The following SMOC1 variants were observed in gnomAD, a reference collection of about 807,000 sequenced individuals.
SMOC1 encodes SPARC-related modular calcium-binding protein 1.
Under a neutral mutation model 56.3 loss-of-function variants are expected in SMOC1, and 22 were observed. The observed-to-expected ratio is 0.39, with a 90% confidence interval of 0.28 to 0.56. The LOEUF (loss-of-function observed/expected upper bound fraction) is 0.56. SMOC1 is among the 20% of genes least tolerant of loss of function. The pLI is 0.61. For missense variants in SMOC1, 509 were observed against 565.4 expected, an observed-to-expected ratio of 0.90 and a Z score of 1.01; for synonymous variants, 193 against 215.0, an observed-to-expected ratio of 0.90 and a Z score of 0.89.
chr14:70,006,626 C>T (rs1417005860), intron 7 of SMOC1, among the ~76,000 whole-genome samples: 1 of 152,190 alleles, frequency 6.6e-6, no homozygotes, highest in Non-Finnish European at 1.5e-5. Context: ...AATGTACTGG[C>T]TTACCATAAA....
At chr14:69,885,543 T>G in intron 1 of SMOC1, 2 of 1,597,554 alleles carry the variant, frequency 1.3e-6, no homozygotes, top group Non-Finnish European at 1.7e-6. Flanking sequence ...GCGACAGTGG[T>G]GCAGGTCTTC....
chr14:69,978,430 G>A (rs1594834993), intron 5 of SMOC1, among the ~76,000 whole-genome samples: 1 of 152,164 alleles, frequency 6.6e-6, no homozygotes, highest in South Asian at 2.1e-4. Flanking sequence ...ACTAAGGCGA[G>A]GCTGGCTTTG....
chr14:69,994,449 C>A lies in SMOC1; in HGVS notation c.633C>A (p.Ser211=), dbSNP rs759918337. ...LWIKHLVIKD[S]KLNNTNIRNS... The stretch of plus-strand genomic sequence containing the variant: ...TTAAACACTTGGTGATCAAGGACTC[C>A]AAACTGAACAACACCAACATAAGAA... Residue 211 remains serine, a synonymous_variant, in exon 7 of 12, where the codon TCC becomes TCA. Coordinates refer to ENST00000361956, the MANE Select transcript of SMOC1 (RefSeq NM_001034852.3). The A allele has an allele frequency of 6.2e-7, 1 of 1,613,818 alleles. No individual in the cohort carries two copies. The highest frequency in any genetic ancestry group is 1.7e-5 in the Admixed American group (1 of 60,022).
rs149782299 is a variant in SMOC1 at position 70,008,117 on chromosome 14, A to ATTATTTTATT, written c.665-2616_665-2607dup. On this transcript the variant is annotated intron_variant, in intron 7 of 11. Coordinates refer to ENST00000361956, the MANE Select transcript of SMOC1 (RefSeq NM_001034852.3). Reference sequence around the variant, plus strand: ...CAAATTAGTGAGCTTTATCATTTTTATTATTTTATTTTATTTTATTTTATT... The same window carrying ATTATTTTATT: ...CAAATTAGTGAGCTTTATCATTTTTATTATTTTATTTTATTTTATTTTATTTTATTTTATT... Among the ~76,000 whole-genome samples the ATTATTTTATT allele has an allele frequency of 3.3e-3, 503 of 151,114 alleles. 3 individuals carry two copies. The highest frequency in any genetic ancestry group is 0.011 in the African/African-American group (437 of 40,808).
At chr14:70,009,525 C>A (rs1035395837) in intron 7 of SMOC1, among the ~76,000 whole-genome samples, 7 of 152,148 alleles carry the variant, frequency 4.6e-5, no homozygotes, top group African/African-American at 1.7e-4. Flanking sequence ...TACCAAGTTC[C>A]TTGCTCTTAA....
intron 1 of SMOC1, among the ~76,000 whole-genome samples, chr14:69,883,917 T>TTTTTTTTA (rs1883719290): frequency 7.0e-6 from 1 of 142,218 alleles, no homozygotes; most frequent in Non-Finnish European, 1.5e-5. Context: ...TTTTTTTTTT[T>TTTTTTTTA]GAGACGGAGT....
intron 10 of SMOC1, among the ~76,000 whole-genome samples, chr14:70,019,291 T>G (rs1045876895): frequency 1.3e-5 from 2 of 152,208 alleles, no homozygotes; most frequent in African/African-American, 4.8e-5. Context: ...TTATTTGGCT[T>G]ATGTTGTCTG....
intron 1 of SMOC1, among the ~76,000 whole-genome samples, chr14:69,948,751 C>A (rs1882886279): frequency 6.6e-6 from 1 of 152,150 alleles, no homozygotes. Context: ...AGAACTTATA[C>A]GTGACTTAGG....
At chr14:69,940,371 G>C (rs377643735) in intron 1 of SMOC1, among the ~76,000 whole-genome samples, 1 of 152,192 alleles carries the variant, frequency 6.6e-6, no homozygotes, top group Non-Finnish European at 1.5e-5. Flanking sequence ...AAGCCAGCAG[G>C]CTCAGTGCCA....
At chr14:69,994,344 C>T (rs1884685214) in intron 6 of SMOC1, 56 bp from the exon 7 acceptor site, 1 of 1,355,806 alleles carries the variant, frequency 7.4e-7, no homozygotes, top group African/African-American at 1.4e-5. Flanking sequence ...GGTTACACTT[C>T]CACTCACATA....
intron 1 of SMOC1, chr14:69,885,292 T>G (rs991841341): frequency 2.0e-5 from 20 of 1,014,292 alleles, no homozygotes; most frequent in African/African-American, 5.0e-5. Context: ...AAGGAAAATT[T>G]GTATTATTTT....
chr14:69,966,227 G>C (rs994343249), intron 3 of SMOC1, among the ~76,000 whole-genome samples: 1 of 152,080 alleles, frequency 6.6e-6, no homozygotes, highest in Admixed American at 6.5e-5. Flanking sequence ...AAAGGAACAA[G>C]AGGTATCATA....
intron 2 of SMOC1, among the ~76,000 whole-genome samples, chr14:69,952,951 G>A (rs1320866318): frequency 6.6e-6 from 1 of 152,074 alleles, no homozygotes; most frequent in Non-Finnish European, 1.5e-5. Flanking sequence ...TTTTTCCTGA[G>A]TCCTGTACGT....
intron 3 of SMOC1, among the ~76,000 whole-genome samples, chr14:69,954,458 A>C (rs902287343): frequency 6.6e-6 from 1 of 152,044 alleles, no homozygotes; most frequent in African/African-American, 2.4e-5. Context: ...GTGAACCATC[A>C]CACCTGGCCT....
At chr14:69,988,748 G>C (rs1363980335) in intron 5 of SMOC1, among the ~76,000 whole-genome samples, 1 of 152,152 alleles carries the variant, frequency 6.6e-6, no homozygotes, top group East Asian at 1.9e-4. Context: ...TCTGTTTTCT[G>C]TGTCTATAGA....
intron 5 of SMOC1, among the ~76,000 whole-genome samples, chr14:69,991,527 G>A (rs891994079): frequency 6.6e-6 from 1 of 152,108 alleles, no homozygotes; most frequent in Non-Finnish European, 1.5e-5. Context: ...AGGTTTTTGG[G>A]GCCCTGATGA....
At chr14:70,010,700 G>A (rs983077673) in intron 7 of SMOC1, 54 bp from the exon 8 acceptor site, 4 of 1,586,390 alleles carry the variant, frequency 2.5e-6, no homozygotes, top group Middle Eastern at 1.7e-4. Flanking sequence ...ACAGAAGACA[G>A]GAGTGTTAAA....
intron 2 of SMOC1, among the ~76,000 whole-genome samples, 165 bp from the exon 3 acceptor site, chr14:69,953,255 G>C (rs912483429): frequency 3.9e-5 from 6 of 152,218 alleles, no homozygotes; most frequent in African/African-American, 7.2e-5. Flanking sequence ...TACGGGGAAG[G>C]GGGGCTGTGC....
At chr14:69,932,528 G>A (rs960960084) in intron 1 of SMOC1, among the ~76,000 whole-genome samples, 2 of 152,190 alleles carry the variant, frequency 1.3e-5, no homozygotes. Context: ...GGAACCTTTC[G>A]GTGCCATTTG....
Sources: gnomAD v4.1 joint callset for allele counts (sites outside exome capture counted in the v4.1 genomes callset) on GRCh38, gnomAD v4.1.1 for gene constraint, MANE v1.5 for transcripts, NCBI Gene and HGNC (gene_info 2026-07-23, HGNC 2026-07-21) for gene names.